SYT17: variants seen among roughly 807,000 people sequenced by gnomAD.
SYT17 encodes synaptotagmin 17.
A neutral mutation model predicts 46.7 loss-of-function variants in SYT17; 22 were observed. The ratio of observed to expected loss-of-function variants is 0.47; its 90% CI spans 0.34 to 0.67. SYT17 has a LOEUF of 0.67. Among genes scored for constraint, SYT17 ranks in the 30% least tolerant of loss-of-function variants. SYT17 has a pLI of 0.01. For missense variants in SYT17, 519 were observed against 612.8 expected, an observed-to-expected ratio of 0.85 and a Z score of 1.62; for synonymous variants, 251 against 248.4, an observed-to-expected ratio of 1.01 and a Z score of -0.10.
At chr16:19,210,466 AAAAGGGTATTTTTTTTT>A (rs1470217446) in intron 5 of SYT17, among the ~76,000 whole-genome samples, 3 of 148,720 alleles carry the variant, frequency 2.0e-5, no homozygotes, top group East Asian at 3.9e-4. Context: ...ATTTTTTTTT[AAAAGGGTATTTTTTTTT>A]AAAGGGTATT....
chr16:19,190,421 C>T (rs1257923032), intron 5 of SYT17, among the ~76,000 whole-genome samples: 3 of 152,058 alleles, frequency 2.0e-5, no homozygotes, highest in African/African-American at 7.2e-5. Context: ...ATACACACAC[C>T]ATGAAATTTA....
intron 7 of SYT17, among the ~76,000 whole-genome samples, chr16:19,262,315 T>C (rs1476999163): frequency 6.6e-6 from 1 of 152,158 alleles, no homozygotes; most frequent in Non-Finnish European, 1.5e-5. Flanking sequence ...CCAAGAGAAC[T>C]GTCTTGCTGC....
intron 7 of SYT17, chr16:19,250,057 G>T (rs1377726319): frequency 6.5e-7 from 1 of 1,533,902 alleles, no homozygotes; most frequent in African/African-American, 1.4e-5. Context: ...GCAAGTAAAG[G>T]CAATAAAAGT....
chr16:19,215,051 G>A (rs866675288), intron 5 of SYT17, among the ~76,000 whole-genome samples: 10 of 152,180 alleles, frequency 6.6e-5, no homozygotes, highest in Non-Finnish European at 1.2e-4. Context: ...GCCTCCCAAA[G>A]TGCTGGGATT....
intron 5 of SYT17, among the ~76,000 whole-genome samples, chr16:19,197,029 C>T (rs1325676161): frequency 6.6e-6 from 1 of 152,242 alleles, no homozygotes; most frequent in Non-Finnish European, 1.5e-5. Context: ...TTTGAGATCA[C>T]TCACCACCTG....
intron 3 of SYT17, among the ~76,000 whole-genome samples, chr16:19,179,040 A>G (rs1964439039): frequency 6.6e-6 from 1 of 151,244 alleles, no homozygotes; most frequent in South Asian, 2.1e-4. Flanking sequence ...CTTAAAAAAA[A>G]AAACAATGAA....
At chr16:19,173,067 GAC>G in intron 2 of SYT17, 2 of 571,414 alleles carry the variant, frequency 3.5e-6, no homozygotes, top group East Asian at 2.9e-5. Flanking sequence ...CTTTCAAGAA[GAC>G]ACAGTAATAT....
In SYT17 at chr16:19,183,079, T is replaced by G. The variant is rs1567200779; in HGVS notation, c.332-449T>G. Among the ~76,000 whole-genome samples, 1 of 152,148 alleles carries G rather than the reference T, an allele frequency of 6.6e-6. No homozygotes were observed. The highest frequency in any genetic ancestry group is 1.9e-4 in the East Asian group (1 of 5,178). On this transcript the variant is annotated intron_variant, in intron 4 of 7. Coordinates refer to ENST00000355377, the MANE Select transcript of SYT17 (RefSeq NM_016524.4). The surrounding 1 kb of genome is among the most constrained non-coding windows in gnomAD (Gnocchi z 5.6). ...CAGGCACTCTGGTCCCAGAGCTCAC[T>G]CTCTTAAAGTGGAGACATCGTAGGA...
Position 19,184,163 on chromosome 16 carries a change from G to T in SYT17, c.951+16G>T. On this transcript the variant is annotated intron_variant, in intron 5 of 7. Coordinates refer to ENST00000355377, the MANE Select transcript of SYT17 (RefSeq NM_016524.4). ...CAGTTCTCAGGTAAGGGATGGGTTTGTGGTGTTTCCTCCTGGGAGCTTTTT... is the reference window on the plus strand; with the variant it reads ...CAGTTCTCAGGTAAGGGATGGGTTTTTGGTGTTTCCTCCTGGGAGCTTTTT... 1 of 1,594,394 alleles carries T rather than the reference G, an allele frequency of 6.3e-7. No homozygotes were observed. Among genetic ancestry groups the T allele is most frequent in the South Asian group, 1.1e-5 (1 of 89,730 alleles).
Position 19,266,978 on chromosome 16 carries a change from A to C in SYT17, c.1327A>C (p.Met443Leu). Residue 443 changes from methionine (M) to leucine (L), a missense_variant, in exon 8 of 8, where the codon ATG (methionine) becomes CTG (leucine). Met to Leu is a conservative substitution (Grantham distance 15). Transcript: ENST00000355377. Reference sequence around the variant, plus strand: ...CTCTGAGACCAACCACTGGAGGCGCATGCTCAACACGCACCGCACAGCCGT... The same window carrying C: ...CTCTGAGACCAACCACTGGAGGCGCCTGCTCAACACGCACCGCACAGCCGT... The part of the protein sequence containing the change: ...GPSETNHWRR[M>L]LNTHRTAVEQ... 1 of 1,613,820 alleles carries C rather than the reference A, an allele frequency of 6.2e-7. No homozygotes were observed. The highest frequency in any genetic ancestry group is 8.5e-7 in the Non-Finnish European group (1 of 1,179,992).
At position 19,252,785 on chromosome 16, in the gene SYT17, A is replaced by G. The variant is rs1470717982; in HGVS notation, c.1229-14095A>G. On this transcript the variant is annotated intron_variant, in intron 7 of 7. Coordinates refer to ENST00000355377, the MANE Select transcript of SYT17 (RefSeq NM_016524.4). ...GGAAAACTTTAAAAAGCTGGGATGG[A>G]TGTTTGGGTGCCACCTCCAGAGACT... 2.6e-5 allele frequency among the ~76,000 whole-genome samples: 4 copies of G among 151,734 alleles called. No homozygotes were observed. The South Asian group carries it at 8.3e-4, about 32-fold the overall frequency.
intron 5 of SYT17, among the ~76,000 whole-genome samples, chr16:19,188,923 G>A (rs541035518): frequency 6.6e-6 from 1 of 152,176 alleles, no homozygotes; most frequent in African/African-American, 2.4e-5. Flanking sequence ...GTGCTGCTCT[G>A]TCGCCCAGGC....
chr16:19,219,423 AAAAAAAAAAAAAAAAAAAAAAAAT>A lies in SYT17; in HGVS notation c.952-3619_952-3596del, dbSNP rs1341843009. ...GACTCCGTCTCAAAAAAAAAAAAAA[AAAAAAAAAAAAAAAAAAAAAAAAT>A]AATAATAATAATAATAATAAAACAA... is the stretch of plus-strand genomic sequence containing the variant. On this transcript the variant is annotated intron_variant, in intron 5 of 7. Coordinates refer to ENST00000355377, the MANE Select transcript of SYT17 (RefSeq NM_016524.4). 5.8e-3 allele frequency among the ~76,000 whole-genome samples: 34 copies of A among 5,870 alleles called. 12 individuals carry two copies. In the African/African-American group the frequency reaches 0.12, roughly 21 times the overall value. The allele number at this position is 5,870 out of a possible 152,430, so 3.9% of individuals were successfully genotyped here.
intron 5 of SYT17, among the ~76,000 whole-genome samples, chr16:19,210,466 A>T (rs568368529): frequency 2.7e-3 from 395 of 148,720 alleles, no homozygotes; most frequent in Admixed American, 6.0e-3. Context: ...ATTTTTTTTT[A>T]AAAGGGTATT....
Position 19,168,333 on chromosome 16 carries a change from T to G in SYT17, c.-314T>G. On this transcript the variant is annotated 5_prime_UTR_variant, in exon 1 of 8. Coordinates refer to ENST00000355377, the MANE Select transcript of SYT17 (RefSeq NM_016524.4). The surrounding 1 kb of genome is among the most constrained non-coding windows in gnomAD (Gnocchi z 6.9). ...GCTGCTTGCCCAGGCGCCCCGGCCT[T>G]ATTCCAGCCTGGGGAGCGCCTCGGT... 3 of 421,204 alleles carry G rather than the reference T, an allele frequency of 7.1e-6. No homozygotes were observed. Among genetic ancestry groups the G allele is most frequent in the Non-Finnish European group, 8.5e-6 (2 of 236,364 alleles). The allele number at this position is 421,204 out of a possible 1,614,324, so 26.1% of individuals were successfully genotyped here.
chr16:19,248,390 A>T (rs1459760555), intron 7 of SYT17, among the ~76,000 whole-genome samples: 1 of 152,214 alleles, frequency 6.6e-6, no homozygotes, highest in Non-Finnish European at 1.5e-5. Flanking sequence ...AAGAGAAACA[A>T]AAACATATGT....
chr16:19,220,238 T>C (rs1270092731), intron 5 of SYT17, among the ~76,000 whole-genome samples: 1 of 151,804 alleles, frequency 6.6e-6, no homozygotes, highest in Non-Finnish European at 1.5e-5. Flanking sequence ...AAAGGAGCAC[T>C]GCACTGCTCT....
intron 5 of SYT17, 131 bp downstream of exon 5, chr16:19,184,278 C>G: frequency 8.1e-7 from 1 of 1,240,558 alleles, no homozygotes; most frequent in Non-Finnish European, 1.1e-6. Flanking sequence ...TTTTGACTCA[C>G]AAGAGGTTGC....
chr16:19,230,375 C>G (rs1311630186), intron 7 of SYT17, among the ~76,000 whole-genome samples: 1 of 151,526 alleles, frequency 6.6e-6, no homozygotes, highest in East Asian at 1.9e-4. Context: ...CCATTGCACT[C>G]CAGCCTGGGC....
Sources: allele counts gnomAD v4.1 joint callset (sites outside exome capture counted in the v4.1 genomes callset), GRCh38; gene constraint gnomAD v4.1.1; non-coding constraint Gnocchi (gnomAD v3.1); transcripts MANE v1.5; gene names NCBI Gene and HGNC (gene_info 2026-07-23, HGNC 2026-07-21).